TNIK: variants seen among roughly 807,000 people sequenced by gnomAD.
TNIK encodes TRAF2 and NCK interacting kinase, also known as TRAF2 and NCK-interacting protein kinase.
In TNIK, 49 loss-of-function variants were observed where a neutral mutation model predicts 191.3. The ratio of observed to expected loss-of-function variants is 0.26; its 90% CI spans 0.20 to 0.32. The LOEUF (loss-of-function observed/expected upper bound fraction) is 0.32. Ranked by LOEUF, TNIK falls within the 10% of genes least tolerant of loss-of-function variation. The pLI, the probability that TNIK is intolerant of heterozygous loss-of-function variation, is 1.00. For synonymous variants in TNIK, 594 were observed against 600.9 expected (o/e 0.99, Z 0.17); for missense variants, 1,155 against 1,702.3 (o/e 0.68, Z 5.66).
At chr3:171,116,558 C>G (rs534089916) in intron 18 of TNIK, among the ~76,000 whole-genome samples, 2 of 152,330 alleles carry the variant, frequency 1.3e-5, no homozygotes, top group African/African-American at 4.8e-5. Flanking sequence ...CTTTAATTAA[C>G]TGGCCAACTG....
At chr3:171,165,672 G>A (rs1734526104) in intron 10 of TNIK, among the ~76,000 whole-genome samples, 1 of 152,194 alleles carries the variant, frequency 6.6e-6, no homozygotes. Context: ...GAACTGAAGA[G>A]AGGAGAGAAA....
At chr3:171,440,666 A>T (rs1286142697) in intron 1 of TNIK, among the ~76,000 whole-genome samples, 1 of 152,234 alleles carries the variant, frequency 6.6e-6, no homozygotes, top group Non-Finnish European at 1.5e-5. Flanking sequence ...GGATACAAGG[A>T]TACACAAAAC....
chr3:171,362,081 T>C lies in TNIK; in HGVS notation c.123+7539A>G, dbSNP rs1451085820. Among the ~76,000 whole-genome samples, 6 of 152,158 alleles carry C rather than the reference T, an allele frequency of 3.9e-5. No individual in the cohort carries two copies. The East Asian group carries it at 7.7e-4, about 20-fold the overall frequency. On this transcript the variant is annotated intron_variant, in intron 2 of 32. Coordinates refer to ENST00000436636, the MANE Select transcript of TNIK (RefSeq NM_015028.4). ...GACCTTATGCTACCTGAAGAAGAAA[T>C]ACTGTTGCTTCTCCTCCAAAACTTG...
rs56012004 is a variant in TNIK, at chr3:171,058,836, A to G, written c.*5045T>C. On this transcript the variant is annotated 3_prime_UTR_variant, in exon 33 of 33. Coordinates refer to ENST00000436636, the MANE Select transcript of TNIK (RefSeq NM_015028.4). ...CTAAAACGTTCAAAAATAGTTTTAC[A>G]ACATTCAATTTTAAAATTTCATTCA... Among the ~76,000 whole-genome samples the G allele has an allele frequency of 2.2e-3, 330 of 152,356 alleles. 3 individuals are homozygous for G. The highest frequency in any genetic ancestry group is 7.8e-3 in the African/African-American group (326 of 41,580).
At chr3:171,153,977 A>G (rs934532914) in intron 12 of TNIK, among the ~76,000 whole-genome samples, 7 of 152,218 alleles carry the variant, frequency 4.6e-5, no homozygotes, top group Admixed American at 2.6e-4. Context: ...GGGAGACTGT[A>G]TTTCTAGTGT....
chr3:171,078,421 T>C (rs995019775), intron 28 of TNIK, among the ~76,000 whole-genome samples: 10 of 152,158 alleles, frequency 6.6e-5, no homozygotes, highest in Non-Finnish European at 1.0e-4. Context: ...TTTCTGCCAA[T>C]ACATTTTAGT....
intron 2 of TNIK, among the ~76,000 whole-genome samples, chr3:171,284,039 A>G (rs1210460010): frequency 6.6e-6 from 1 of 152,198 alleles, no homozygotes; most frequent in Admixed American, 6.5e-5. Context: ...TCCCCTGAGA[A>G]ACATCAGCAT....
chr3:171,290,591 A>C (rs919413724), intron 2 of TNIK, among the ~76,000 whole-genome samples: 1 of 152,236 alleles, frequency 6.6e-6, no homozygotes, highest in African/African-American at 2.4e-5. Flanking sequence ...ACCTGCTACT[A>C]ACATATCATG....
chr3:171,093,937 A>G lies in TNIK; in HGVS notation c.2623T>C (p.Tyr875His). 1.2e-6 allele frequency: 2 copies of G among 1,613,790 alleles called. No individual in the cohort carries two copies. Among genetic ancestry groups the G allele is most frequent in the African/African-American group, 1.3e-5 (1 of 75,042 alleles). Residue 875 changes from tyrosine to histidine, a missense_variant, in exon 23 of 33, where the codon TAC becomes CAC. Physicochemically the swap from Tyr to His is moderately conservative, Grantham distance 83. Transcript: ENST00000436636. Reference protein sequence around the residue: ...PTGAPGSNEQYNVGMVGTHGL... With the variant: ...PTGAPGSNEQHNVGMVGTHGL... ...TGCGTCCCCACCATTCCCACATTGT[A>G]CTGCTCGTTGCTGCCTGGAGCTCCT...
At chr3:171,213,614 G>GT (rs1199074165) in intron 3 of TNIK, among the ~76,000 whole-genome samples, 1 of 152,140 alleles carries the variant, frequency 6.6e-6, no homozygotes, top group East Asian at 1.9e-4. Context: ...AAGGCACTAT[G>GT]TAATTAAATC....
At chr3:171,243,930 G>A (rs1034094650) in intron 2 of TNIK, among the ~76,000 whole-genome samples, 1 of 152,068 alleles carries the variant, frequency 6.6e-6, no homozygotes, top group Non-Finnish European at 1.5e-5. Context: ...AACTCATTGA[G>A]AAAGAACCAT....
At chr3:171,089,874 C>T (rs1351513815) in intron 23 of TNIK, among the ~76,000 whole-genome samples, 1 of 152,130 alleles carries the variant, frequency 6.6e-6, no homozygotes, top group African/African-American at 2.4e-5. Context: ...ATTATCTTGC[C>T]CTGAGTGACA....
At chr3:171,315,043 C>T (rs192303688) in intron 2 of TNIK, among the ~76,000 whole-genome samples, 3 of 152,156 alleles carry the variant, frequency 2.0e-5, no homozygotes, top group Admixed American at 6.6e-5. Flanking sequence ...ACAAACCCCC[C>T]CTCCTGCTTT....
chr3:171,240,715 T>C (rs1391908362), intron 2 of TNIK, among the ~76,000 whole-genome samples: 1 of 152,208 alleles, frequency 6.6e-6, no homozygotes, highest in African/African-American at 2.4e-5. Context: ...CAAATGACTC[T>C]TCTCCAATAG....
chr3:171,102,841 G>T (rs147135482), intron 21 of TNIK, among the ~76,000 whole-genome samples: 1 of 152,094 alleles, frequency 6.6e-6, no homozygotes, highest in Non-Finnish European at 1.5e-5. Flanking sequence ...CATCCTAATC[G>T]GTTAAAAGAA....
rs537079793 is a variant in TNIK, at chr3:171,425,564, G to A, written c.57+34443C>T. ...GGAAGAGCTGGGCATGGTGGCTCAC[G>A]CCTGTAATCCCAGCACTTTGGGAGG... On this transcript the variant is annotated intron_variant, in intron 1 of 32. Transcript: ENST00000436636. 5.9e-5 allele frequency among the ~76,000 whole-genome samples: 9 copies of A among 152,138 alleles called. No homozygotes were observed. The East Asian group carries it at 9.7e-4, about 16-fold the overall frequency.
At chr3:171,179,847 A>G (rs1396068154) in intron 7 of TNIK, among the ~76,000 whole-genome samples, 1 of 152,202 alleles carries the variant, frequency 6.6e-6, no homozygotes, top group Admixed American at 6.5e-5. Flanking sequence ...TAAACAGGAA[A>G]CACAGCAATA....
At chr3:171,378,025 G>C (rs1288380768) in intron 1 of TNIK, among the ~76,000 whole-genome samples, 3 of 152,158 alleles carry the variant, frequency 2.0e-5, no homozygotes, top group African/African-American at 7.2e-5. Flanking sequence ...CCAGAGAATG[G>C]GCAGTGACCT....
At chr3:171,314,648 G>A (rs1296403742) in intron 2 of TNIK, among the ~76,000 whole-genome samples, 5 of 152,126 alleles carry the variant, frequency 3.3e-5, no homozygotes, top group Non-Finnish European at 7.3e-5. Flanking sequence ...CATGCCTGCT[G>A]GGTGAGTGTG....
Sources: allele counts gnomAD v4.1 joint callset (sites outside exome capture counted in the v4.1 genomes callset), GRCh38; gene constraint gnomAD v4.1.1; transcripts MANE v1.5; gene names NCBI Gene and HGNC (gene_info 2026-07-23, HGNC 2026-07-21).